Variants in ABL1 observed in about 807,000 individuals in gnomAD.
ABL1 encodes the protein tyrosine-protein kinase ABL1.
A neutral mutation model predicts 94.7 loss-of-function variants in ABL1; 11 were observed. That is an observed-to-expected ratio of 0.12 (90% CI 0.07 to 0.19). The LOEUF is 0.19. ABL1 is among the 10% of genes least tolerant of loss of function. The pLI is 1.00. For missense variants in ABL1, 1,082 were observed against 1,489.4 expected, an observed-to-expected ratio of 0.73 and a Z score of 4.50; for synonymous variants, 656 against 622.4, an observed-to-expected ratio of 1.05 and a Z score of -0.80.
intron 1 of ABL1, among the ~76,000 whole-genome samples, chr9:130,759,398 G>C (rs905784005): frequency 1.1e-4 from 17 of 152,102 alleles, no homozygotes; most frequent in African/African-American, 3.9e-4. Context: ...CAGCTCCTTG[G>C]CCAAATGCGT....
chr9:130,748,334 G>A (rs1322162266), intron 1 of ABL1, among the ~76,000 whole-genome samples: 1 of 152,088 alleles, frequency 6.6e-6, no homozygotes. Flanking sequence ...GATTCATCTT[G>A]TCTGTTAAAT....
rs116931749 is a variant in ABL1 at position 130,853,102 on chromosome 9, G to A, written c.80-962G>A. On this transcript the variant is annotated intron_variant, in intron 1 of 10. Transcript: ENST00000318560. ...ACCAAAAAAACAGCTCTGCCTCTGG[G>A]AGCGGAGAGGACTGGGATAGAAAGT... is the stretch of plus-strand genomic sequence containing the variant. Among the ~76,000 whole-genome samples the A allele has an allele frequency of 4.8e-3, 733 of 151,884 alleles. 7 individuals are homozygous for A. The highest frequency in any genetic ancestry group is 6.3e-3 in the Non-Finnish European group (425 of 67,960).
At chr9:130,715,612 G>T (rs1831427457) in intron 1 of ABL1, among the ~76,000 whole-genome samples, 1 of 152,120 alleles carries the variant, frequency 6.6e-6, no homozygotes. Context: ...TGTTATGATG[G>T]TTCCCAAATT....
In ABL1 at chr9:130,884,434, G is replaced by A. The variant is rs571264328; in HGVS notation, c.2144G>A (p.Arg715His). 34 of 1,612,412 alleles carry A rather than the reference G, an allele frequency of 2.1e-5. No individual in the cohort carries two copies. The highest frequency in any genetic ancestry group is 2.6e-5 in the Non-Finnish European group (31 of 1,179,882). Residue 715 changes from arginine to histidine, a missense_variant, in exon 11 of 11, where the codon CGC (arginine) becomes CAC (histidine). Physicochemically the swap from Arg to His is conservative, Grantham distance 29. This residue lies in a region of ABL1 where 780 missense variants were observed against 835.8 expected (regional missense o/e 0.93). Transcript: ENST00000318560. The surrounding 1 kb of genome is among the most constrained non-coding windows in gnomAD (Gnocchi z 5.6). ...GGCAGCTCCAGCAAGCGCTTCCTGC[G>A]CTCTTGCTCCGCCTCCTGCGTTCCC... ...GGGSSSKRFL[R>H]SCSASCVPHG...
intron 1 of ABL1, among the ~76,000 whole-genome samples, chr9:130,827,555 A>G (rs1830441349): frequency 6.6e-6 from 1 of 152,204 alleles, no homozygotes; most frequent in South Asian, 2.1e-4. Flanking sequence ...GAAAACAGGA[A>G]CTTGGTGGAA....
At chr9:130,801,161 C>T (rs1830049744) in intron 1 of ABL1, among the ~76,000 whole-genome samples, 1 of 151,982 alleles carries the variant, frequency 6.6e-6, no homozygotes, top group Non-Finnish European at 1.5e-5. Context: ...AATGCCTGGC[C>T]TCAGTGACCC....
chr9:130,748,991 G>T (rs1183589396), intron 1 of ABL1, among the ~76,000 whole-genome samples: 3 of 152,116 alleles, frequency 2.0e-5, no homozygotes, highest in African/African-American at 7.2e-5. Context: ...ATGACCCGAA[G>T]TATGAAATAG....
At chr9:130,743,965 T>C (rs566131693) in intron 1 of ABL1, among the ~76,000 whole-genome samples, 5 of 152,318 alleles carry the variant, frequency 3.3e-5, no homozygotes, top group Admixed American at 1.3e-4. Context: ...CGGGTGTGTT[T>C]CTATGCTCCC....
chr9:130,735,204 A>G (rs1831719097), intron 1 of ABL1, among the ~76,000 whole-genome samples: 1 of 151,952 alleles, frequency 6.6e-6, no homozygotes, highest in African/African-American at 2.4e-5. Flanking sequence ...TAATTTTTGT[A>G]TTTTTAGTAG....
intron 8 of ABL1, among the ~76,000 whole-genome samples, chr9:130,879,444 T>G (rs1460234788): frequency 6.6e-6 from 1 of 152,212 alleles, no homozygotes; most frequent in Non-Finnish European, 1.5e-5. Context: ...TTTGTTTGGT[T>G]TTTGCCCTTA....
At chr9:130,804,471 C>T (rs1830099579) in intron 1 of ABL1, among the ~76,000 whole-genome samples, 1 of 152,118 alleles carries the variant, frequency 6.6e-6, no homozygotes, top group Admixed American at 6.5e-5. Flanking sequence ...GTAATCCCAG[C>T]TACTTAGGAG....
In ABL1 at chr9:130,862,848, C is replaced by T. The variant is rs909306692; in HGVS notation, c.635C>T (p.Thr212Met). The T allele has an allele frequency of 2.5e-6, 4 of 1,613,928 alleles. No individual in the cohort carries two copies. The highest frequency in any genetic ancestry group is 2.7e-5 in the African/African-American group (2 of 74,866). Residue 212 changes from threonine to methionine, a missense_variant, in exon 4 of 11, where the codon ACG (threonine) becomes ATG (methionine). Physicochemically the swap from Thr to Met is moderately conservative, Grantham distance 81. Coordinates refer to ENST00000318560, the MANE Select transcript of ABL1 (RefSeq NM_005157.6). The surrounding 1 kb of genome is among the most constrained non-coding windows in gnomAD (Gnocchi z 5.5). ...ACGGTGGCCGACGGGCTCATCACCA[C>T]GCTCCATTATCCAGCCCCAAAGCGC... is the stretch of plus-strand genomic sequence containing the variant. ...HSTVADGLIT[T>M]LHYPAPKRNK...
chr9:130,854,146 T>C lies in ABL1; in HGVS notation c.162T>C (p.Leu54=), dbSNP rs755777681. The C allele has an allele frequency of 6.2e-7, 1 of 1,614,192 alleles. No individual in the cohort carries two copies. The highest frequency in any genetic ancestry group is 8.5e-7 in the Non-Finnish European group (1 of 1,180,038). Reference sequence around the variant, plus strand: ...CTCGTTGGAACTCCAAGGAAAACCTTCTCGCTGGACCCAGTGAAAATGACC... The same window carrying C: ...CTCGTTGGAACTCCAAGGAAAACCTCCTCGCTGGACCCAGTGAAAATGACC... ...EAARWNSKEN[L]LAGPSENDPN... Residue 54 remains leucine, a synonymous_variant, in exon 2 of 11, where the codon CTT becomes CTC. Transcript: ENST00000318560.
At chr9:130,819,690 C>T (rs1588252150) in intron 1 of ABL1, among the ~76,000 whole-genome samples, 1 of 151,774 alleles carries the variant, frequency 6.6e-6, no homozygotes, top group African/African-American at 2.4e-5. Context: ...GGGCACACAC[C>T]ACCATGCCCG....
At chr9:130,816,967 A>C (rs1031060755) in intron 1 of ABL1, among the ~76,000 whole-genome samples, 4 of 152,114 alleles carry the variant, frequency 2.6e-5, no homozygotes, top group African/African-American at 7.2e-5. Flanking sequence ...TGGCCTCCCA[A>C]AGTGCTGGGA....
chr9:130,852,105 T>TAA (rs2132951846), intron 1 of ABL1, among the ~76,000 whole-genome samples: 1 of 152,304 alleles, frequency 6.6e-6, no homozygotes, highest in South Asian at 2.1e-4. Flanking sequence ...TAAAAATTAC[T>TAA]AAACATCATA....
chr9:130,880,270 T>G lies in ABL1; in HGVS notation c.1513+113T>G. 1 of 1,251,962 alleles carries G rather than the reference T, an allele frequency of 8.0e-7. No homozygotes were observed. The highest frequency in any genetic ancestry group is 1.2e-6 in the Non-Finnish European group (1 of 860,804). 77.6% of individuals were successfully genotyped at this position (1,251,962 alleles called of 1,614,324 possible). ...TGAAAGTTCACAGACCAGCCTGTCC[T>G]GAGACCAGAAAGCTGGGCAGAGGTG... On this transcript the variant is annotated intron_variant, in intron 9 of 10. Transcript: ENST00000318560. This position sits in a 1 kb window ranked among gnomAD's most constrained non-coding sequence, Gnocchi z 4.4.
chr9:130,887,536 C>T lies in ABL1; in HGVS notation c.*1853C>T, dbSNP rs1831610049. On this transcript the variant is annotated 3_prime_UTR_variant, in exon 11 of 11. Transcript: ENST00000318560. ...TGTGCATAGCGTCCTGCCCTGCCCC[C>T]TCGGGGGCCTGTGGTGGCTCCCCCT... 1 of 233,008 alleles carries T rather than the reference C, an allele frequency of 4.3e-6. No homozygotes were observed. Among genetic ancestry groups the T allele is most frequent in the Non-Finnish European group, 8.5e-6 (1 of 117,910 alleles). The allele number at this position is 233,008 out of a possible 1,614,324, so 14.4% of individuals were successfully genotyped here.
chr9:130,849,399 C>G (rs1830822657), intron 1 of ABL1, among the ~76,000 whole-genome samples: 2 of 152,200 alleles, frequency 1.3e-5, no homozygotes. Flanking sequence ...GTGCCCGTTT[C>G]TCTGAAATCT....
Sources: allele counts gnomAD v4.1 joint callset (sites outside exome capture counted in the v4.1 genomes callset), GRCh38; gene constraint gnomAD v4.1.1; regional missense constraint gnomAD v4.1.1; non-coding constraint Gnocchi (gnomAD v3.1); transcripts MANE v1.5; gene names NCBI Gene and HGNC (gene_info 2026-07-23, HGNC 2026-07-21).